CAPN15: variants seen among roughly 807,000 people sequenced by gnomAD.
The protein encoded by CAPN15 is calpain-15.
In CAPN15, 53 loss-of-function variants were observed where a neutral mutation model predicts 97.9. The ratio of observed to expected loss-of-function variants is 0.54; its 90% CI spans 0.43 to 0.68. CAPN15 has a LOEUF of 0.68. Ranked by LOEUF, CAPN15 falls within the 30% of genes least tolerant of loss-of-function variation. CAPN15 has a pLI of 0.00. For missense variants in CAPN15, 1,592 were observed against 1,589.8 expected (o/e 1.00, Z -0.02); for synonymous variants, 922 against 722.5 (o/e 1.28, Z -4.43).
chr16:547,697 G>T lies in CAPN15; in HGVS notation c.859G>T (p.Ala287Ser). 1 of 1,597,012 alleles carries T rather than the reference G, an allele frequency of 6.3e-7. No individual in the cohort carries two copies. The highest frequency in any genetic ancestry group is 1.1e-5 in the South Asian group (1 of 89,858). Residue 287 changes from alanine to serine, a missense_variant, in exon 4 of 14, where the codon GCA (alanine) becomes TCA (serine). Ala to Ser is a moderately conservative substitution (Grantham distance 99, BLOSUM62 1). Transcript: ENST00000219611. ...GSGWAGASRL[A>S]ELLSGKRLSV... ...GGGCTGGGCTGGGGCCTCCCGCCTAGCAGAGTTGCTGTCTGGCAAGCGGCT... is the reference window on the plus strand; with the variant it reads ...GGGCTGGGCTGGGGCCTCCCGCCTATCAGAGTTGCTGTCTGGCAAGCGGCT...
At chr16:536,628 C>T (rs1314097640) in intron 3 of CAPN15, among the ~76,000 whole-genome samples, 4 of 152,134 alleles carry the variant, frequency 2.6e-5, no homozygotes, top group African/African-American at 4.8e-5. Context: ...GTTTCTCCAT[C>T]TTGCGCAGGC....
At chr16:548,870 C>T in intron 4 of CAPN15, 123 bp from the exon 5 acceptor site, 1 of 910,870 alleles carries the variant, frequency 1.1e-6, no homozygotes, top group Non-Finnish European at 1.7e-6. Flanking sequence ...GCTGTCCACG[C>T]TCCACCCGTC....
At position 547,341 on chromosome 16, in the gene CAPN15, G is replaced by T. The variant is rs2034661395; in HGVS notation, c.503G>T (p.Gly168Val). The T allele has an allele frequency of 6.5e-7, 1 of 1,540,786 alleles. No homozygotes were observed. The highest frequency in any genetic ancestry group is 1.9e-5 in the Admixed American group (1 of 52,094). ...PVASSCSVCG[G>V]PRRLSLPRIP... ...GCCAGCTCCTGCTCCGTCTGCGGGGGCCCACGCAGGCTCTCGCTGCCACGG... is the reference window on the plus strand; with the variant it reads ...GCCAGCTCCTGCTCCGTCTGCGGGGTCCCACGCAGGCTCTCGCTGCCACGG... The change falls in exon 4 of 14, where the codon GGC (glycine) becomes GTC (valine). Residue 168 changes from glycine (G) to valine (V), a missense_variant. Coordinates refer to ENST00000219611, the MANE Select transcript of CAPN15 (RefSeq NM_005632.3).
Position 548,151 on chromosome 16 carries a change from C to G in CAPN15, c.1313C>G (p.Pro438Arg), listed in dbSNP as rs1327227154. The G allele has an allele frequency of 1.3e-6, 2 of 1,537,590 alleles. No homozygotes were observed. Among genetic ancestry groups the G allele is most frequent in the Non-Finnish European group, 1.7e-6 (2 of 1,143,042 alleles). The part of the protein sequence containing the change: ...RAKHCAACHT[P>R]QLLVAQRRGA... ...AAGCACTGCGCCGCCTGCCACACGCCTCAGCTCCTGGTGGCCCAGCGGCGG... is the reference window on the plus strand; with the variant it reads ...AAGCACTGCGCCGCCTGCCACACGCGTCAGCTCCTGGTGGCCCAGCGGCGG... The change falls in exon 4 of 14, where the codon CCT becomes CGT. Residue 438 changes from proline (P) to arginine (R), a missense_variant. Physicochemically the swap from Pro to Arg is moderately radical, Grantham distance 103 (BLOSUM62 -2). Coordinates refer to ENST00000219611, the MANE Select transcript of CAPN15 (RefSeq NM_005632.3).
Position 549,796 on chromosome 16 carries a change from C to A in CAPN15, c.2024C>A (p.Thr675Asn). The change falls in exon 7 of 14, where the codon ACT (threonine) becomes AAT (asparagine). Residue 675 changes from threonine to asparagine, a missense_variant. Thr to Asn is a moderately conservative substitution (Grantham distance 65). Around this residue, in one of 3 missense-constraint regions of CAPN15, gnomAD observed 644 missense variants for 699.6 expected, o/e 0.92. Coordinates refer to ENST00000219611, the MANE Select transcript of CAPN15 (RefSeq NM_005632.3). Reference protein sequence around the residue: ...STNPREEPVDTDLIWAKMLSS... With the variant: ...STNPREEPVDNDLIWAKMLSS... The stretch of plus-strand genomic sequence containing the variant: ...AACCCCCGCGAGGAGCCCGTTGACA[C>A]TGACCTCATCTGGGCCAAAATGCTG... 6.3e-7 allele frequency: 1 copy of A among 1,590,316 alleles called. No homozygotes were observed. The highest frequency in any genetic ancestry group is 1.1e-5 in the South Asian group (1 of 87,830).
chr16:551,669 C>T lies in CAPN15; in HGVS notation c.2345+5C>T, dbSNP rs74786985. The T allele has an allele frequency of 4.1e-4, 644 of 1,588,114 alleles. No individual in the cohort carries two copies. Among genetic ancestry groups the T allele is most frequent in the East Asian group, 2.4e-3 (105 of 44,482 alleles). On this transcript the variant is annotated splice_donor_5th_base_variant and intron_variant, in intron 9 of 13. Coordinates refer to ENST00000219611, the MANE Select transcript of CAPN15 (RefSeq NM_005632.3). ...GGAGTACGGCGACTTTGTCAGGTATCGGCACCGTGGGGCGGTGTGCACGCC... is the reference window on the plus strand; with the variant it reads ...GGAGTACGGCGACTTTGTCAGGTATTGGCACCGTGGGGCGGTGTGCACGCC...
chr16:540,831 G>C (rs1463032238), intron 3 of CAPN15, among the ~76,000 whole-genome samples: 1 of 152,186 alleles, frequency 6.6e-6, no homozygotes, highest in African/African-American at 2.4e-5. Flanking sequence ...CCATGGCCTT[G>C]GCTACCCGCT....
Position 552,578 on chromosome 16 carries a change from C to G in CAPN15, c.2738-27C>G. ...TCATGCCCCAGGCCCACGGGGAGGG[C>G]TGCGGTTCACACGCCCGTCCTTGTA... On this transcript the variant is annotated intron_variant, in intron 11 of 13. Transcript: ENST00000219611. The surrounding 1 kb of genome is among the most constrained non-coding windows in gnomAD (Gnocchi z 6.4). 1 of 1,557,090 alleles carries G rather than the reference C, an allele frequency of 6.4e-7. No homozygotes were observed. The highest frequency in any genetic ancestry group is 8.7e-7 in the Non-Finnish European group (1 of 1,154,858).
At chr16:532,228 A>G (rs2033314982) in intron 1 of CAPN15, among the ~76,000 whole-genome samples, 1 of 147,066 alleles carries the variant, frequency 6.8e-6, no homozygotes, top group Admixed American at 6.8e-5. Context: ...CGACAGAGCT[A>G]TACTCCGTCT....
chr16:549,277 GCT>G lies in CAPN15; in HGVS notation c.1659-8_1659-7del. ...GCGGTCCCCGCGAGGTCACCCTGAG[GCT>G]CTGCGCAGGTTCCTGAGCGCCCTGG... On this transcript the variant is annotated splice_polypyrimidine_tract_variant and intron_variant, in intron 5 of 13. Transcript: ENST00000219611. The G allele has an allele frequency of 6.3e-7, 1 of 1,577,150 alleles. No individual in the cohort carries two copies. The highest frequency in any genetic ancestry group is 2.3e-5 in the East Asian group (1 of 43,246).
At chr16:534,236 G>GCGTGGTCC (rs2033531840) in intron 2 of CAPN15, among the ~76,000 whole-genome samples, 1 of 30,122 alleles carries the variant, frequency 3.3e-5, no homozygotes, top group African/African-American at 6.3e-4. Context: ...CCCGACAGGG[G>GCGTGGTCC]TGTTTGTCCC....
At position 554,473 on chromosome 16, in the gene CAPN15, T is replaced by C; in HGVS notation, c.*957T>C. The C allele has an allele frequency of 2.2e-6, 1 of 454,634 alleles. No individual in the cohort carries two copies. Among genetic ancestry groups the C allele is most frequent in the South Asian group, 1.6e-5 (1 of 64,498 alleles). The allele number at this position is 454,634 out of a possible 1,614,324, so 28.2% of individuals were successfully genotyped here. ...CATTCCCACTCCCCTTTGGCCTCCC[T>C]GTACTCTGAGCTGTGAATATTTTTA... On this transcript the variant is annotated 3_prime_UTR_variant, in exon 14 of 14. Transcript: ENST00000219611.
At chr16:540,665 G>T (rs1335143697) in intron 3 of CAPN15, among the ~76,000 whole-genome samples, 7 of 152,220 alleles carry the variant, frequency 4.6e-5, no homozygotes, top group African/African-American at 1.7e-4. Context: ...TTTTTGGGCT[G>T]GGGTCGCTGG....
chr16:534,992 G>C (rs2033600029), intron 2 of CAPN15, among the ~76,000 whole-genome samples: 2 of 152,130 alleles, frequency 1.3e-5, no homozygotes, highest in African/African-American at 4.8e-5. Context: ...CCGTGTACAT[G>C]ATTAGTTAGC....
At chr16:548,794 GC>G (rs2034788625) in intron 4 of CAPN15, among the ~76,000 whole-genome samples, 198 bp from the exon 5 acceptor site, 1 of 152,234 alleles carries the variant, frequency 6.6e-6, no homozygotes, top group African/African-American at 2.4e-5. Context: ...CTCACCTGTC[GC>G]CAGCCGGTGG....
intron 2 of CAPN15, among the ~76,000 whole-genome samples, chr16:534,284 G>C (rs1362216412): frequency 6.4e-5 from 2 of 31,334 alleles, no homozygotes; most frequent in Non-Finnish European, 9.4e-5. Flanking sequence ...CCGGCCCCCA[G>C]ATGGAGCTCC....
chr16:537,159 C>T (rs1829804555), intron 3 of CAPN15: 1 of 985,404 alleles, frequency 1.0e-6, no homozygotes, highest in Non-Finnish European at 1.2e-6. Flanking sequence ...TCCGAGCACC[C>T]ACGGGAGGGG....
Position 535,206 on chromosome 16 carries a change from C to T in CAPN15, c.-136-823C>T, listed in dbSNP as rs1204938189. Reference sequence around the variant, plus strand: ...CCACGGGTCACCCCCACTGAGCCCACCACCTACCGAGAGGCACCTCGAGAC... The same window carrying T: ...CCACGGGTCACCCCCACTGAGCCCATCACCTACCGAGAGGCACCTCGAGAC... On this transcript the variant is annotated intron_variant, in intron 2 of 13. Transcript: ENST00000219611. The surrounding 1 kb of genome is among the most constrained non-coding windows in gnomAD (Gnocchi z 6.2). The T allele has an allele frequency of 6.5e-6, 1 of 153,874 alleles. No homozygotes were observed. Among genetic ancestry groups the T allele is most frequent in the Non-Finnish European group, 1.5e-5 (1 of 68,072 alleles). 9.5% of individuals were successfully genotyped at this position (153,874 alleles called of 1,614,324 possible). A position where few individuals can be genotyped will look rare whatever the true frequency, so the allele number is the denominator to read the frequency against.
At chr16:541,119 C>T (rs375287855) in intron 3 of CAPN15, among the ~76,000 whole-genome samples, 4 of 152,260 alleles carry the variant, frequency 2.6e-5, no homozygotes, top group African/African-American at 7.2e-5. Context: ...GCAGCTCCCA[C>T]GGGGGACGAT....
Sources: gnomAD v4.1 joint callset for allele counts (sites outside exome capture counted in the v4.1 genomes callset) on GRCh38, gnomAD v4.1.1 for gene constraint, gnomAD v4.1.1 regional missense constraint, Gnocchi (gnomAD v3.1) non-coding constraint, MANE v1.5 for transcripts, NCBI Gene and HGNC (gene_info 2026-07-23, HGNC 2026-07-21) for gene names.